The following SCG3 variants were observed in gnomAD, a reference collection of about 807,000 sequenced individuals.
SCG3 encodes secretogranin III.
A neutral mutation model predicts 56.2 loss-of-function variants in SCG3; 38 were observed. The observed-to-expected ratio is 0.68, with a 90% CI of 0.52 to 0.89. The LOEUF is 0.89. SCG3 is among the 40% of genes least tolerant of loss of function. SCG3 has a pLI of 0.00. For missense variants in SCG3, 524 were observed against 540.7 expected (o/e 0.97, Z 0.31); for synonymous variants, 176 against 184.2 (o/e 0.96, Z 0.36).
intron 10 of SCG3, among the ~76,000 whole-genome samples, chr15:51,712,665 T>C (rs2055427838): frequency 6.6e-6 from 1 of 152,174 alleles, no homozygotes; most frequent in Non-Finnish European, 1.5e-5. Context: ...GTAAAGGGCA[T>C]CACAGAGTAG....
At position 51,719,130 on chromosome 15, in the gene SCG3, G is replaced by A. The variant is rs77714686; in HGVS notation, c.1289-278G>A. On this transcript the variant is annotated intron_variant, in intron 11 of 11. Transcript: ENST00000220478. ...AAACATTAAAATTTGCAAAGCCCTG[G>A]TCATGAGCCTATTTCCTGTTTGGTC... Among the ~76,000 whole-genome samples, 1,035 of 152,272 alleles carry A rather than the reference G, an allele frequency of 6.8e-3. 6 individuals are homozygous for A. The highest frequency in any genetic ancestry group is 0.013 in the Admixed American group (201 of 15,292).
At chr15:51,690,865 C>T (rs954439841) in intron 6 of SCG3, among the ~76,000 whole-genome samples, 1 of 152,128 alleles carries the variant, frequency 6.6e-6, no homozygotes, top group Admixed American at 6.5e-5. Flanking sequence ...TTATTGAATA[C>T]TAACTCTGTA....
At chr15:51,682,682 T>C (rs2055202422) in intron 2 of SCG3, 113 bp downstream of exon 2, 1 of 666,000 alleles carries the variant, frequency 1.5e-6, no homozygotes, top group East Asian at 3.2e-5. Flanking sequence ...ATCAGGAACT[T>C]AATAGTTAAT....
intron 10 of SCG3, among the ~76,000 whole-genome samples, chr15:51,706,038 AT>A (rs2049887725): frequency 1.3e-5 from 2 of 152,200 alleles, no homozygotes; most frequent in Admixed American, 6.5e-5. Flanking sequence ...GGAAAAAAAA[AT>A]GTATTAATCC....
chr15:51,709,717 T>TAA (rs1469423249), intron 10 of SCG3, among the ~76,000 whole-genome samples: 2 of 50,194 alleles, frequency 4.0e-5, no homozygotes, highest in Non-Finnish European at 8.0e-5. Context: ...TTTTTTTTTT[T>TAA]TTTTTTTTTT....
At chr15:51,703,958 A>G (rs2141573357) in intron 10 of SCG3, among the ~76,000 whole-genome samples, 1 of 151,886 alleles carries the variant, frequency 6.6e-6, no homozygotes, top group Admixed American at 6.6e-5. Flanking sequence ...ATTTTTTCCT[A>G]CATTGACATA....
At chr15:51,688,575 A>G (rs980311506) in intron 5 of SCG3, among the ~76,000 whole-genome samples, 173 bp downstream of exon 5, 1 of 151,978 alleles carries the variant, frequency 6.6e-6, no homozygotes, top group Non-Finnish European at 1.5e-5. Context: ...GGAGTTTATC[A>G]TCCATCAGAA....
In SCG3 at chr15:51,686,709, T is replaced by A. The variant is rs541228891; in HGVS notation, c.398-1551T>A. 1.8e-3 allele frequency among the ~76,000 whole-genome samples: 263 copies of A among 144,070 alleles called. 1 individual carries two copies. Among genetic ancestry groups the A allele is most frequent in the African/African-American group, 7.1e-3 (257 of 35,956 alleles). 94.5% of individuals were successfully genotyped at this position (144,070 alleles called of 152,430 possible). A position where few individuals can be genotyped will look rare whatever the true frequency, so the allele number is the denominator to read the frequency against. ...TTTGTTTGTTTGTTTGTTTGTATGT[T>A]TGTTTGTTTGTTTTTCTTAGGGGCT... On this transcript the variant is annotated intron_variant, in intron 4 of 11. Coordinates refer to ENST00000220478, the MANE Select transcript of SCG3 (RefSeq NM_013243.4).
intron 10 of SCG3, among the ~76,000 whole-genome samples, chr15:51,712,750 T>G (rs966295307): frequency 1.3e-5 from 2 of 152,196 alleles, no homozygotes; most frequent in African/African-American, 4.8e-5. Flanking sequence ...TGGGGAGTTT[T>G]ATTAGAGCCA....
At position 51,704,244 on chromosome 15, in the gene SCG3, C is replaced by CATACATATATATATATAT. The variant is rs751546589; in HGVS notation, c.1207+3003_1207+3004insCATATATATATATATATA. 5.7e-3 allele frequency among the ~76,000 whole-genome samples: 417 copies of CATACATATATATATATAT among 73,464 alleles called. 3 individuals carry two copies. Among genetic ancestry groups the CATACATATATATATATAT allele is most frequent in the Middle Eastern group, 0.021 (2 of 94 alleles). 48.2% of individuals were successfully genotyped at this position (73,464 alleles called of 152,430 possible). The stretch of plus-strand genomic sequence containing the variant: ...ATATGTGTGTATACATACATACATA[C>CATACATATATATATATAT]ATATATATATATATATATATATATA... On this transcript the variant is annotated intron_variant, in intron 10 of 11. Coordinates refer to ENST00000220478, the MANE Select transcript of SCG3 (RefSeq NM_013243.4).
intron 10 of SCG3, among the ~76,000 whole-genome samples, chr15:51,706,813 T>C (rs1025133105): frequency 1.3e-5 from 2 of 152,216 alleles, no homozygotes; most frequent in African/African-American, 4.8e-5. Context: ...TGAAAAATGA[T>C]ACATTCACCT....
intron 10 of SCG3, among the ~76,000 whole-genome samples, chr15:51,704,278 T>TATATATATATAA (rs1390526701): frequency 4.6e-5 from 6 of 131,370 alleles, no homozygotes; most frequent in East Asian, 2.7e-4. Flanking sequence ...TATATATATA[T>TATATATATATAA]AAAATAGCTC....
intron 5 of SCG3, among the ~76,000 whole-genome samples, chr15:51,688,980 G>A (rs2055248380): frequency 6.6e-6 from 1 of 152,124 alleles, no homozygotes; most frequent in Non-Finnish European, 1.5e-5. Context: ...TGGTCCATGG[G>A]TTTCAACAGA....
At position 51,696,731 on chromosome 15, in the gene SCG3, G is replaced by A. The variant is rs951728708; in HGVS notation, c.985+740G>A. The stretch of plus-strand genomic sequence containing the variant: ...GCATAAAAGCAAAGGCAAGGGTGGG[G>A]GAGGTGCCACACGCTTTTAAACAAT... On this transcript the variant is annotated intron_variant, in intron 8 of 11. Coordinates refer to ENST00000220478, the MANE Select transcript of SCG3 (RefSeq NM_013243.4). Among the ~76,000 whole-genome samples, 5 of 152,110 alleles carry A rather than the reference G, an allele frequency of 3.3e-5. No homozygotes were observed. In the East Asian group the frequency reaches 9.6e-4, roughly 29 times the overall value.
At chr15:51,703,203 A>AT (rs1435127305) in intron 10 of SCG3, among the ~76,000 whole-genome samples, 4 of 152,150 alleles carry the variant, frequency 2.6e-5, no homozygotes, top group Admixed American at 1.3e-4. Context: ...ATAGCTCTTA[A>AT]TTTTGAAGAA....
In SCG3 at chr15:51,719,556, C is replaced by T; in HGVS notation, c.*30C>T. 3 of 1,459,808 alleles carry T rather than the reference C, an allele frequency of 2.1e-6. No homozygotes were observed. The highest frequency in any genetic ancestry group is 2.9e-6 in the Non-Finnish European group (3 of 1,043,306). The allele number at this position is 1,459,808 out of a possible 1,614,324, so 90.4% of individuals were successfully genotyped here. ...GGCAAAAGATCCAGGAGTCTTTCAACTGTTTCAGAAAACATAATATAGCTT... is the reference window on the plus strand; with the variant it reads ...GGCAAAAGATCCAGGAGTCTTTCAATTGTTTCAGAAAACATAATATAGCTT... On this transcript the variant is annotated 3_prime_UTR_variant, in exon 12 of 12. Coordinates refer to ENST00000220478, the MANE Select transcript of SCG3 (RefSeq NM_013243.4).
intron 11 of SCG3, among the ~76,000 whole-genome samples, chr15:51,713,974 G>A (rs528116265): frequency 6.6e-6 from 1 of 152,214 alleles, no homozygotes; most frequent in Non-Finnish European, 1.5e-5. Context: ...GTGAGAAGAT[G>A]GGATGGATCT....
At chr15:51,708,857 T>C (rs1341893944) in intron 10 of SCG3, among the ~76,000 whole-genome samples, 1 of 144,912 alleles carries the variant, frequency 6.9e-6, no homozygotes, top group African/African-American at 2.5e-5. Context: ...AGACTCCATC[T>C]AAAAAAAAAA....
intron 11 of SCG3, among the ~76,000 whole-genome samples, chr15:51,716,218 T>A (rs1363347865): frequency 6.6e-6 from 1 of 152,164 alleles, no homozygotes; most frequent in Non-Finnish European, 1.5e-5. Flanking sequence ...TGCCTTTTAT[T>A]CCATTAAAGA....
Sources: allele counts gnomAD v4.1 joint callset (sites outside exome capture counted in the v4.1 genomes callset), GRCh38; gene constraint gnomAD v4.1.1; transcripts MANE v1.5; gene names NCBI Gene and HGNC (gene_info 2026-07-23, HGNC 2026-07-21).